Variants in MAPK8IP3 observed in about 807,000 individuals in gnomAD.
MAPK8IP3 encodes the protein C-Jun-amino-terminal kinase-interacting protein 3.
MAPK8IP3 carries 49 observed loss-of-function variants against 157.8 expected under a neutral mutation model. That is an observed-to-expected ratio of 0.31 (90% CI 0.25 to 0.39). The LOEUF is 0.39. Among genes scored for constraint, MAPK8IP3 ranks in the 10% least tolerant of loss-of-function variants. MAPK8IP3 has a pLI of 1.00. For missense variants in MAPK8IP3, 1,478 were observed against 1,889.4 expected (o/e 0.78, Z 4.04); for synonymous variants, 897 against 777.7 (o/e 1.15, Z -2.55).
chr16:1,721,192 A>C (rs1421508702), intron 1 of MAPK8IP3, among the ~76,000 whole-genome samples: 3 of 144,664 alleles, frequency 2.1e-5, no homozygotes, highest in Non-Finnish European at 4.5e-5. Context: ...CATTAGCTGG[A>C]TGTGGTGGCG....
At chr16:1,758,312 C>T (rs932302694) in intron 9 of MAPK8IP3, among the ~76,000 whole-genome samples, 153 bp downstream of exon 9, 3 of 152,214 alleles carry the variant, frequency 2.0e-5, no homozygotes, top group African/African-American at 4.8e-5. Context: ...CACCGCCGCT[C>T]GGAAGCTTGT....
intron 26 of MAPK8IP3, 119 bp downstream of exon 26, chr16:1,767,416 C>T: frequency 2.6e-6 from 4 of 1,511,678 alleles, no homozygotes; most frequent in Non-Finnish European, 3.6e-6. Flanking sequence ...CCTGTACCAC[C>T]TATGACTCAG....
At chr16:1,714,521 T>G (rs1180920917) in intron 1 of MAPK8IP3, among the ~76,000 whole-genome samples, 1 of 152,178 alleles carries the variant, frequency 6.6e-6, no homozygotes, top group African/African-American at 2.4e-5. Flanking sequence ...TTTCAATTCT[T>G]GTTATCAACA....
intron 12 of MAPK8IP3, 109 bp downstream of exon 12, chr16:1,760,641 GC>G: frequency 1.5e-6 from 2 of 1,356,952 alleles, no homozygotes; most frequent in Non-Finnish European, 2.0e-6. Context: ...TCTGTGCATA[GC>G]CTACCTACCT....
rs746816807 is a variant in MAPK8IP3 at position 1,764,237 on chromosome 16, C to T, written c.2121+27C>T. 5.6e-6 allele frequency: 9 copies of T among 1,604,540 alleles called. No individual in the cohort carries two copies. The Admixed American group carries it at 1.5e-4, about 27-fold the overall frequency. On this transcript the variant is annotated intron_variant, in intron 18 of 31. Coordinates refer to ENST00000610761, the MANE Select transcript of MAPK8IP3 (RefSeq NM_001318852.2). ...TGAGCCCGCGAGGACCCCGCTCAGG[C>T]TGGCTGGGCGAGCGGGAGGCTGGGG...
At chr16:1,709,698 C>A (rs1333290584) in intron 1 of MAPK8IP3, among the ~76,000 whole-genome samples, 1 of 152,232 alleles carries the variant, frequency 6.6e-6, no homozygotes, top group Non-Finnish European at 1.5e-5. Flanking sequence ...GCAGATGCTG[C>A]CTCCACACGC....
At position 1,766,126 on chromosome 16, in the gene MAPK8IP3, G is replaced by A. The variant is rs1272653843; in HGVS notation, c.2613G>A (p.Val871=). The A allele has an allele frequency of 6.2e-7, 1 of 1,611,718 alleles. No individual in the cohort carries two copies. Among genetic ancestry groups the A allele is most frequent in the South Asian group, 1.1e-5 (1 of 91,050 alleles). Residue 871 remains valine (V), a synonymous_variant, in exon 21 of 32, where the codon GTG becomes GTA. Coordinates refer to ENST00000610761, the MANE Select transcript of MAPK8IP3 (RefSeq NM_001318852.2). ...GCTCCTCCCGAGGGGACACCCCAGTGCTAGACAAGGGGCAGGGTGAGTCCT... is the reference window on the plus strand; with the variant it reads ...GCTCCTCCCGAGGGGACACCCCAGTACTAGACAAGGGGCAGGGTGAGTCCT... ...SNCSSRGDTP[V]LDKGQGEVAT...
chr16:1,747,682 GC>G (rs2041048696), intron 6 of MAPK8IP3, among the ~76,000 whole-genome samples: 1 of 152,092 alleles, frequency 6.6e-6, no homozygotes, highest in Non-Finnish European at 1.5e-5. Context: ...TAAGGCAGTA[GC>G]CTGCGTCACC....
Position 1,743,764 on chromosome 16 carries a change from CA to C in MAPK8IP3, c.747+289del. 7.6e-7 allele frequency: 1 copy of C among 1,310,644 alleles called. No homozygotes were observed. Among genetic ancestry groups the C allele is most frequent in the Non-Finnish European group, 9.7e-7 (1 of 1,033,870 alleles). The allele number at this position is 1,310,644 out of a possible 1,614,324, so 81.2% of individuals were successfully genotyped here. A position where few individuals can be genotyped will look rare whatever the true frequency, so the allele number is the denominator to read the frequency against. On this transcript the variant is annotated intron_variant, in intron 5 of 31. Transcript: ENST00000610761. This position sits in a 1 kb window ranked among gnomAD's most constrained non-coding sequence, Gnocchi z 5.6. ...AGACCGCTCTGTAGCCAGGGGTGTA[CA>C]GTGCCTGTCAGGGTTGAGCTTAGTG...
chr16:1,727,999 G>A (rs1452970958), intron 2 of MAPK8IP3, among the ~76,000 whole-genome samples: 2 of 152,240 alleles, frequency 1.3e-5, no homozygotes, highest in African/African-American at 2.4e-5. Context: ...TCCCGGCCAC[G>A]CACTCCCTGG....
At chr16:1,711,699 T>C (rs963713045) in intron 1 of MAPK8IP3, among the ~76,000 whole-genome samples, 2 of 152,088 alleles carry the variant, frequency 1.3e-5, no homozygotes, top group African/African-American at 4.8e-5. Flanking sequence ...CCCAACACTT[T>C]GAAAGGCCGA....
chr16:1,761,334 G>A (rs567204831), intron 13 of MAPK8IP3, 29 bp downstream of exon 13: 21 of 1,596,064 alleles, frequency 1.3e-5, no homozygotes, highest in Middle Eastern at 1.7e-4. Context: ...CTTCACATGC[G>A]GGGCGTCCAC....
rs1252463758 is a variant in MAPK8IP3 at position 1,760,535 on chromosome 16, G to GAGGGC, written c.1457+10_1457+14dup. On this transcript the variant is annotated splice_donor_region_variant and intron_variant, in intron 12 of 31. Transcript: ENST00000610761. ...GAGCTGGAAGAGGAACTGAAAAGGT[G>GAGGGC]AGGGCAGGGCATGGAAAGCTGGTCA... 1 of 1,611,220 alleles carries GAGGGC rather than the reference G, an allele frequency of 6.2e-7. No homozygotes were observed. The highest frequency in any genetic ancestry group is 8.5e-7 in the Non-Finnish European group (1 of 1,178,018).
chr16:1,725,481 C>A (rs1415925370), intron 2 of MAPK8IP3, among the ~76,000 whole-genome samples: 1 of 150,886 alleles, frequency 6.6e-6, no homozygotes, highest in African/African-American at 2.4e-5. Flanking sequence ...ATAAAAATTA[C>A]CCGGGCATGG....
Position 1,769,690 on chromosome 16 carries a change from C to G in MAPK8IP3, c.*866C>G, listed in dbSNP as rs1039443685. On this transcript the variant is annotated 3_prime_UTR_variant, in exon 32 of 32. Coordinates refer to ENST00000610761, the MANE Select transcript of MAPK8IP3 (RefSeq NM_001318852.2). ...GAAGAAGGGGAGGCCCCTGGCCTCT[C>G]CGGGATCAGTCCTAGGACACAGGCT... 6.6e-6 allele frequency: 1 copy of G among 152,498 alleles called. No individual in the cohort carries two copies. 9.4% of individuals were successfully genotyped at this position (152,498 alleles called of 1,614,324 possible).
intron 4 of MAPK8IP3, among the ~76,000 whole-genome samples, chr16:1,736,485 C>T (rs550927072): frequency 3.9e-5 from 1 of 25,662 alleles, no homozygotes; most frequent in Non-Finnish European, 6.0e-5. Flanking sequence ...TCCGTGTGAC[C>T]GTGAGCGTCC....
At position 1,743,237 on chromosome 16, in the gene MAPK8IP3, C is replaced by T. The variant is rs2040780439; in HGVS notation, c.603-95C>T. The stretch of plus-strand genomic sequence containing the variant: ...GGCTGCTGGCTGGCATGGAGCGGCC[C>T]CATCACTCGAGGTCTGCTTGCCCTG... On this transcript the variant is annotated intron_variant, in intron 4 of 31. Coordinates refer to ENST00000610761, the MANE Select transcript of MAPK8IP3 (RefSeq NM_001318852.2). The surrounding 1 kb of genome is among the most constrained non-coding windows in gnomAD (Gnocchi z 5.6). The T allele has an allele frequency of 6.9e-7, 1 of 1,439,638 alleles. No homozygotes were observed. Among genetic ancestry groups the T allele is most frequent in the Non-Finnish European group, 9.1e-7 (1 of 1,104,468 alleles). 89.2% of individuals were successfully genotyped at this position (1,439,638 alleles called of 1,614,324 possible).
chr16:1,735,316 G>A (rs539859731), intron 4 of MAPK8IP3, among the ~76,000 whole-genome samples: 12 of 151,334 alleles, frequency 7.9e-5, no homozygotes, highest in Non-Finnish European at 1.3e-4. Context: ...CCGTGTTTCC[G>A]TGTGTGTCCA....
Position 1,743,528 on chromosome 16 carries a change from C to T in MAPK8IP3, c.747+52C>T. 3 of 1,586,142 alleles carry T rather than the reference C, an allele frequency of 1.9e-6. No homozygotes were observed. The highest frequency in any genetic ancestry group is 2.6e-6 in the Non-Finnish European group (3 of 1,171,916). On this transcript the variant is annotated intron_variant, in intron 5 of 31. Transcript: ENST00000610761. The surrounding 1 kb of genome is among the most constrained non-coding windows in gnomAD (Gnocchi z 5.6). ...AGGCTCCTCCCTGTTGCTGGTGTTC[C>T]CCGTTCACTGGGGCGGGAGCCTCGT...
Sources: gnomAD v4.1 joint callset for allele counts (sites outside exome capture counted in the v4.1 genomes callset) on GRCh38, gnomAD v4.1.1 for gene constraint, Gnocchi (gnomAD v3.1) non-coding constraint, MANE v1.5 for transcripts, NCBI Gene and HGNC (gene_info 2026-07-23, HGNC 2026-07-21) for gene names.